The following SLC13A1 variants were observed in gnomAD, a reference collection of about 807,000 sequenced individuals.
SLC13A1 encodes the protein Na(+)/sulfate cotransporter.
Under a neutral mutation model 70.0 loss-of-function variants are expected in SLC13A1, and 65 were observed. The ratio of observed to expected loss-of-function variants is 0.93; its 90% CI spans 0.76 to 1.14. SLC13A1 has a LOEUF of 1.14. SLC13A1 is among the 50% of genes most tolerant of loss of function. The pLI, the probability that SLC13A1 is intolerant of heterozygous loss-of-function variation, is 0.00. For missense variants in SLC13A1, 726 were observed against 717.8 expected (o/e 1.01, Z -0.13); for synonymous variants, 275 against 250.5 (o/e 1.10, Z -0.92).
In SLC13A1 at chr7:123,147,315, T is replaced by C; in HGVS notation, c.661-5A>G. ...TTTGGTTCTCATGCCTGAGTTCTGT[T>C]CAACAACAACAAAAAACTACCATGA... On this transcript the variant is annotated splice_polypyrimidine_tract_variant and splice_region_variant and intron_variant, in intron 6 of 14. Transcript: ENST00000194130. 1 of 1,612,756 alleles carries C rather than the reference T, an allele frequency of 6.2e-7. No individual in the cohort carries two copies. The highest frequency in any genetic ancestry group is 8.5e-7 in the Non-Finnish European group (1 of 1,179,432).
intron 2 of SLC13A1, among the ~76,000 whole-genome samples, chr7:123,176,208 C>A (rs1219792465): frequency 1.3e-5 from 2 of 152,162 alleles, no homozygotes; most frequent in Non-Finnish European, 2.9e-5. Context: ...ACTTCACATT[C>A]TCTGTTTTCA....
intron 1 of SLC13A1, among the ~76,000 whole-genome samples, chr7:123,182,914 A>T (rs1001564306): frequency 6.6e-6 from 1 of 152,140 alleles, no homozygotes; most frequent in African/African-American, 2.4e-5. Context: ...CTCATTTTGC[A>T]TTCAAACCCA....
intron 6 of SLC13A1, among the ~76,000 whole-genome samples, 196 bp from the exon 7 acceptor site, chr7:123,147,506 A>G (rs1012966255): frequency 3.3e-5 from 5 of 151,442 alleles, no homozygotes; most frequent in African/African-American, 9.7e-5. Context: ...GGATTATGTC[A>G]TTATAAGAGG....
At chr7:123,193,095 T>A (rs982130582) in intron 1 of SLC13A1, among the ~76,000 whole-genome samples, 24 of 152,082 alleles carry the variant, frequency 1.6e-4, no homozygotes. Flanking sequence ...ACAGAAATAA[T>A]CAGTTCTCCA....
At chr7:123,163,027 A>T (rs1324035512) in intron 6 of SLC13A1, among the ~76,000 whole-genome samples, 1 of 152,072 alleles carries the variant, frequency 6.6e-6, no homozygotes, top group African/African-American at 2.4e-5. Context: ...AATTGAGCTG[A>T]TGTAAAACTC....
At chr7:123,185,812 T>C (rs1795778703) in intron 1 of SLC13A1, among the ~76,000 whole-genome samples, 1 of 152,096 alleles carries the variant, frequency 6.6e-6, no homozygotes, top group Non-Finnish European at 1.5e-5. Context: ...AGCTCTTTAA[T>C]GGGTAGGGTA....
rs143242073 is a variant in SLC13A1, at chr7:123,199,915, C to T, written c.32G>A (p.Arg11His). The T allele has an allele frequency of 1.5e-4, 236 of 1,612,914 alleles. No homozygotes were observed. The Middle Eastern group carries it at 2.1e-3, about 15-fold the overall frequency. Residue 11 changes from arginine to histidine, a missense_variant, in exon 1 of 15, where the codon CGC becomes CAC. By Grantham distance (29) the Arg-to-His change is conservative. Coordinates refer to ENST00000194130, the MANE Select transcript of SLC13A1 (RefSeq NM_022444.4). Reference protein sequence around the residue: MKFFSYILVYRRFLFVVFTVL... With the variant: MKFFSYILVYHRFLFVVFTVL... The stretch of plus-strand genomic sequence containing the variant: ...AGTGAAAACCACGAAGAGAAATCGG[C>T]GATAAACCAGAATGTAACTGAAGAA...
chr7:123,193,801 G>A (rs945066101), intron 1 of SLC13A1, among the ~76,000 whole-genome samples: 7 of 152,080 alleles, frequency 4.6e-5, no homozygotes, highest in Admixed American at 4.6e-4. Flanking sequence ...ATTTACTATT[G>A]TTACCAAACA....
Position 123,119,063 on chromosome 7 carries a change from GA to G in SLC13A1, c.1512+17del. ...TGCTCTTAATGAAGAGTAAAAAGGG[GA>G]TAAATGAGATACTCACCAATGGAGA... is the stretch of plus-strand genomic sequence containing the variant. On this transcript the variant is annotated intron_variant, in intron 13 of 14. Coordinates refer to ENST00000194130, the MANE Select transcript of SLC13A1 (RefSeq NM_022444.4). 1 of 1,604,840 alleles carries G rather than the reference GA, an allele frequency of 6.2e-7. No individual in the cohort carries two copies.
At chr7:123,146,802 C>G (rs1050526575) in intron 7 of SLC13A1, among the ~76,000 whole-genome samples, 2 of 152,166 alleles carry the variant, frequency 1.3e-5, no homozygotes, top group African/African-American at 4.8e-5. Context: ...ACATGTTGGT[C>G]CCCAAACCCT....
chr7:123,171,780 A>C lies in SLC13A1; in HGVS notation c.353T>G (p.Val118Gly), dbSNP rs766624442. The C allele has an allele frequency of 1.4e-5, 22 of 1,613,806 alleles. No individual in the cohort carries two copies. Among genetic ancestry groups the C allele is most frequent in the Middle Eastern group, 1.6e-4 (1 of 6,080 alleles). The change falls in exon 3 of 15, where the codon GTA (valine) becomes GGA (glycine). Residue 118 changes from valine to glycine, a missense_variant. Coordinates refer to ENST00000194130, the MANE Select transcript of SLC13A1 (RefSeq NM_022444.4). Reference protein sequence around the residue: ...IALKMVMMVGVNPAWLTLGFM... With the variant: ...IALKMVMMVGGNPAWLTLGFM... ...ATGCAGTACTTACCATGCAGGATTT[A>C]CACCAACCATCATCACCATTTTCAG...
At chr7:123,171,997 C>T in intron 2 of SLC13A1, 93 bp from the exon 3 acceptor site, 3 of 1,112,184 alleles carry the variant, frequency 2.7e-6, no homozygotes, top group Non-Finnish European at 2.6e-6. Flanking sequence ...TTAATTTTGA[C>T]CTTCAACCGC....
At chr7:123,191,052 T>C (rs1442238186) in intron 1 of SLC13A1, among the ~76,000 whole-genome samples, 1 of 152,220 alleles carries the variant, frequency 6.6e-6, no homozygotes, top group Admixed American at 6.5e-5. Context: ...TCAAATTTAT[T>C]CTGAGTGGTA....
rs1450690483 is a variant in SLC13A1, at chr7:123,119,025, C to T, written c.1512+56G>A. 1.8e-5 allele frequency: 26 copies of T among 1,468,038 alleles called. No individual in the cohort carries two copies. The Middle Eastern group carries it at 1.3e-3, about 71-fold the overall frequency. 90.9% of individuals were successfully genotyped at this position (1,468,038 alleles called of 1,614,324 possible). On this transcript the variant is annotated intron_variant, in intron 13 of 14. Transcript: ENST00000194130. ...TACCACAACATGAAAACCAGCATTC[C>T]GAAGCAGAGTACTGCTCTTAATGAA...
intron 6 of SLC13A1, among the ~76,000 whole-genome samples, chr7:123,156,947 A>C (rs1190218371): frequency 6.6e-6 from 1 of 152,076 alleles, no homozygotes; most frequent in East Asian, 1.9e-4. Flanking sequence ...GCTTAATATG[A>C]AAATCAATTT....
intron 6 of SLC13A1, among the ~76,000 whole-genome samples, chr7:123,153,452 T>A (rs1232224993): frequency 6.6e-6 from 1 of 152,086 alleles, no homozygotes; most frequent in African/African-American, 2.4e-5. Flanking sequence ...CCAGTAAACA[T>A]GAGCTCCATG....
chr7:123,115,373 C>T lies in SLC13A1; in HGVS notation c.*145G>A, dbSNP rs1793144637. ...AAATATGGACTCTGAGTTATAACAG[C>T]AGGTTTCGGGTATTCACAGGAATTG... is the stretch of plus-strand genomic sequence containing the variant. On this transcript the variant is annotated 3_prime_UTR_variant, in exon 15 of 15. Transcript: ENST00000194130. 1 of 708,560 alleles carries T rather than the reference C, an allele frequency of 1.4e-6. No homozygotes were observed. Among genetic ancestry groups the T allele is most frequent in the Admixed American group, 2.6e-5 (1 of 37,938 alleles). 43.9% of individuals were successfully genotyped at this position (708,560 alleles called of 1,614,324 possible). A position where few individuals can be genotyped will look rare whatever the true frequency, so the allele number is the denominator to read the frequency against.
At chr7:123,137,622 T>C (rs1793995304) in intron 7 of SLC13A1, among the ~76,000 whole-genome samples, 1 of 152,058 alleles carries the variant, frequency 6.6e-6, no homozygotes, top group Non-Finnish European at 1.5e-5. Flanking sequence ...AGGAACCAAA[T>C]TCTACTGACA....
At chr7:123,178,717 A>C (rs1795541300) in intron 2 of SLC13A1, among the ~76,000 whole-genome samples, 2 of 152,140 alleles carry the variant, frequency 1.3e-5, no homozygotes, top group Non-Finnish European at 2.9e-5. Context: ...GGCAAAAAGG[A>C]TCACAAGTCT....
Sources: gnomAD v4.1 joint callset for allele counts (sites outside exome capture counted in the v4.1 genomes callset) on GRCh38, gnomAD v4.1.1 for gene constraint, MANE v1.5 for transcripts, NCBI Gene and HGNC (gene_info 2026-07-23, HGNC 2026-07-21) for gene names.